NSG1: variants seen among roughly 807,000 people sequenced by gnomAD.
NSG1 encodes neuronal vesicle trafficking associated 1, also known as neuronal vesicle trafficking-associated protein 1.
In NSG1, 9 loss-of-function variants were observed where a neutral mutation model predicts 19.3. The ratio of observed to expected loss-of-function variants is 0.47; its 90% CI spans 0.28 to 0.81. The LOEUF (loss-of-function observed/expected upper bound fraction) is 0.81. Ranked by LOEUF, NSG1 falls within the 40% of genes least tolerant of loss-of-function variation. The pLI, the probability that NSG1 is intolerant of heterozygous loss-of-function variation, is 0.11. For missense variants in NSG1, 236 were observed against 242.4 expected (o/e 0.97, Z 0.18); for synonymous variants, 104 against 107.0 (o/e 0.97, Z 0.17).
At chr4:4,411,757 A>AC (rs2108752582) in intron 4 of NSG1, among the ~76,000 whole-genome samples, 1 of 91,346 alleles carries the variant, frequency 1.1e-5, no homozygotes, top group South Asian at 2.9e-4. Context: ...ACAAAACAAA[A>AC]CAAAACAAAA....
intron 3 of NSG1, among the ~76,000 whole-genome samples, chr4:4,405,086 C>T (rs1407389049): frequency 6.6e-6 from 1 of 152,158 alleles, no homozygotes; most frequent in Non-Finnish European, 1.5e-5. Flanking sequence ...CTACTGGAGG[C>T]CAGAAGTCTG....
At chr4:4,391,666 C>A in intron 3 of NSG1, 75 bp downstream of exon 3, 1 of 935,496 alleles carries the variant, frequency 1.1e-6, no homozygotes, top group Non-Finnish European at 1.6e-6. Flanking sequence ...AGATGCCCTG[C>A]AGGGAGGGCC....
chr4:4,391,170 G>A (rs1358477409), intron 2 of NSG1, among the ~76,000 whole-genome samples: 1 of 152,222 alleles, frequency 6.6e-6, no homozygotes, highest in Non-Finnish European at 1.5e-5. Flanking sequence ...TGGGTTAGGA[G>A]TCAGCTGCCA....
chr4:4,395,280 C>A (rs994658947), intron 3 of NSG1, among the ~76,000 whole-genome samples: 1 of 152,194 alleles, frequency 6.6e-6, no homozygotes, highest in Admixed American at 6.5e-5. Flanking sequence ...GACCCTGAAC[C>A]GCAGGGAGAT....
chr4:4,392,838 G>A (rs1723067786), intron 3 of NSG1, among the ~76,000 whole-genome samples: 1 of 152,196 alleles, frequency 6.6e-6, no homozygotes, highest in Non-Finnish European at 1.5e-5. Flanking sequence ...GGAAGTCGAG[G>A]CACAGAGCAG....
intron 4 of NSG1, among the ~76,000 whole-genome samples, chr4:4,412,563 A>G (rs10937870): frequency 0.54 from 81,344 of 151,570 alleles, 24,136 homozygotes; most frequent in African/African-American, 0.81. Flanking sequence ...GCCCTTGGCC[A>G]AAGCTGGAGA....
At chr4:4,392,991 T>C (rs1368091010) in intron 3 of NSG1, among the ~76,000 whole-genome samples, 1 of 152,194 alleles carries the variant, frequency 6.6e-6, no homozygotes, top group East Asian at 1.9e-4. Flanking sequence ...ACCTGTCTTC[T>C]GCGCTGGCCA....
At chr4:4,387,893 G>A (rs941809878) in intron 2 of NSG1, 135 bp downstream of exon 2, 24 of 739,936 alleles carry the variant, frequency 3.2e-5, no homozygotes, top group Admixed American at 7.3e-5. Flanking sequence ...GAGGGAGCGC[G>A]GCGAGGACAG....
At chr4:4,401,022 C>T (rs1226104901) in intron 3 of NSG1, among the ~76,000 whole-genome samples, 3 of 152,218 alleles carry the variant, frequency 2.0e-5, no homozygotes, top group Non-Finnish European at 2.9e-5. Context: ...TGGAGCCCTG[C>T]ACCCGCTGCT....
intron 3 of NSG1, among the ~76,000 whole-genome samples, chr4:4,397,059 G>GTGTGTGTGTA (rs1172974176): frequency 6.6e-6 from 1 of 151,794 alleles, no homozygotes; most frequent in Non-Finnish European, 1.5e-5. Flanking sequence ...GTGTGTGTGT[G>GTGTGTGTGTA]TATGTATTCA....
chr4:4,398,065 C>T (rs1479138598), intron 3 of NSG1, among the ~76,000 whole-genome samples: 5 of 152,146 alleles, frequency 3.3e-5, no homozygotes, highest in Non-Finnish European at 7.3e-5. Context: ...AGTGATTCTC[C>T]TGCCTCAGCC....
intron 3 of NSG1, among the ~76,000 whole-genome samples, chr4:4,401,583 T>G (rs75809323): frequency 0.012 from 1,850 of 152,228 alleles, 35 homozygotes; most frequent in African/African-American, 0.042. Flanking sequence ...AGCAAAGTTA[T>G]CGGGGCTGGC....
intron 3 of NSG1, among the ~76,000 whole-genome samples, chr4:4,395,670 T>A (rs1723216012): frequency 6.6e-6 from 1 of 152,148 alleles, no homozygotes; most frequent in Non-Finnish European, 1.5e-5. Flanking sequence ...GTCGAAGCTG[T>A]GGTTGGGACA....
chr4:4,404,118 G>A (rs1452470833), intron 3 of NSG1, among the ~76,000 whole-genome samples: 2 of 152,246 alleles, frequency 1.3e-5, no homozygotes, highest in South Asian at 2.1e-4. Context: ...GAGTCACTGC[G>A]AATGGCCGCC....
Position 4,417,273 on chromosome 4 carries a change from C to T in NSG1, c.396C>T (p.Tyr132=), listed in dbSNP as rs377273535. ...TCCCAGAAGGCTTGGAGAGCTACTA[C>T]GCGGAGCAAGACTCCAGTGCCCGGG... ...QCIPEGLESY[Y]AEQDSSAREK... Residue 132 remains tyrosine, a synonymous_variant, in exon 5 of 5, where the codon TAC becomes TAT. Transcript: ENST00000621129. 31 of 1,614,152 alleles carry T rather than the reference C, an allele frequency of 1.9e-5. No homozygotes were observed. Among genetic ancestry groups the T allele is most frequent in the East Asian group, 1.6e-4 (7 of 44,882 alleles).
intron 4 of NSG1, among the ~76,000 whole-genome samples, chr4:4,411,131 C>T (rs542620574): frequency 6.6e-6 from 1 of 152,280 alleles, no homozygotes; most frequent in South Asian, 2.1e-4. Flanking sequence ...GCTGAGATTA[C>T]AGGCGTGAGC....
chr4:4,398,447 C>G (rs1410489258), intron 3 of NSG1, among the ~76,000 whole-genome samples: 3 of 151,730 alleles, frequency 2.0e-5, no homozygotes, highest in Non-Finnish European at 2.9e-5. Flanking sequence ...ACTCCCATGC[C>G]CCCCCCCACA....
rs1724757770 is a variant in NSG1, at chr4:4,418,987, T to TTAA, written c.*1553_*1554insAAT. ...CCTGTATTTCCAGGTAGACGTGGAC[T>TTAA]TTATTGACTGTGAATTCATTTACAT... On this transcript the variant is annotated 3_prime_UTR_variant, in exon 5 of 5. Coordinates refer to ENST00000621129, the MANE Select transcript of NSG1 (RefSeq NM_014392.5). The TTAA allele has an allele frequency of 6.6e-6, 1 of 152,232 alleles. No individual in the cohort carries two copies. The highest frequency in any genetic ancestry group is 2.4e-5 in the African/African-American group (1 of 41,452). The allele number at this position is 152,232 out of a possible 1,614,324, so 9.4% of individuals were successfully genotyped here.
intron 3 of NSG1, among the ~76,000 whole-genome samples, chr4:4,396,080 G>GT (rs1284638319): frequency 2.6e-5 from 4 of 152,228 alleles, no homozygotes; most frequent in Non-Finnish European, 4.4e-5. Context: ...TTCCAAAGAG[G>GT]TTCTTGTCAA....
Sources: gnomAD v4.1 joint callset for allele counts (sites outside exome capture counted in the v4.1 genomes callset) on GRCh38, gnomAD v4.1.1 for gene constraint, MANE v1.5 for transcripts, NCBI Gene and HGNC (gene_info 2026-07-23, HGNC 2026-07-21) for gene names.